FAM9C: variants seen among roughly 807,000 people sequenced by gnomAD.
FAM9C encodes protein FAM9C.
A neutral mutation model predicts 14.8 loss-of-function variants in FAM9C; 15 were observed. The observed-to-expected ratio is 1.02, with a 90% confidence interval of 0.68 to 1.56. The LOEUF (loss-of-function observed/expected upper bound fraction) is 1.56. Ranked by LOEUF, FAM9C falls within the 40% of genes most tolerant of loss-of-function variation. The pLI is 0.00. For synonymous variants in FAM9C, 45 were observed against 37.5 expected, an observed-to-expected ratio of 1.20 and a Z score of -0.74; for missense variants, 116 against 118.0, an observed-to-expected ratio of 0.98 and a Z score of 0.08.
intron 5 of FAM9C, 187 bp downstream of exon 5, chrX:13,040,571 T>C (rs2043516938): frequency 3.1e-6 from 1 of 320,297 alleles, no homozygotes; most frequent in African/African-American, 2.7e-5. Context: ...TTCTAGGTAA[T>C]ATCTCTCAAT....
At chrX:13,038,368 A>G (rs1233058723) in intron 7 of FAM9C, 48 bp downstream of exon 7, 10 of 951,643 alleles carry the variant, frequency 1.1e-5, no homozygotes, top group African/African-American at 6.0e-5. Context: ...ATTTTTATGC[A>G]TGTGTTGTAT....
Position 13,039,802 on chromosome X carries a change from A to G in FAM9C, c.438+6T>C. 13 of 1,203,923 alleles carry G rather than the reference A, an allele frequency of 1.1e-5. No individual in the cohort carries two copies. The highest frequency in any genetic ancestry group is 1.5e-5 in the Non-Finnish European group (13 of 892,175). The stretch of plus-strand genomic sequence containing the variant: ...GGTTAATCATAAAGCTAAGCCTGAT[A>G]CCAACAATTTGTTCTTCCTTTTCTC... On this transcript the variant is annotated splice_donor_region_variant and intron_variant, in intron 6 of 7. Coordinates refer to ENST00000380625, the MANE Select transcript of FAM9C (RefSeq NM_174901.6).
At chrX:13,041,077 C>A (rs1485344318) in intron 4 of FAM9C, 19 of 270,397 alleles carry the variant, frequency 7.0e-5, no homozygotes, top group Non-Finnish European at 1.2e-4. Context: ...GTTGGTATAA[C>A]AGCAAATCAC....
In FAM9C at chrX:13,039,833, C is replaced by T. The variant is rs759594866; in HGVS notation, c.413G>A (p.Gly138Glu). 1.7e-6 allele frequency: 2 copies of T among 1,208,322 alleles called. No individual in the cohort carries two copies. Among genetic ancestry groups the T allele is most frequent in the East Asian group, 3.0e-5 (1 of 33,724 alleles). Reference protein sequence around the residue: ...FITDEQKDEEGDGEKEEQIKI... With the variant: ...FITDEQKDEEEDGEKEEQIKI... ...AATTTGTTCTTCCTTTTCTCCATCT[C>T]CTTCCTCATCTTTCTGCTCATCTGT... Residue 138 changes from glycine to glutamate, a missense_variant, in exon 6 of 8, where the codon GGA (glycine) becomes GAA (glutamate). Physicochemically the swap from Gly to Glu is moderately conservative, Grantham distance 98 (BLOSUM62 -2). Transcript: ENST00000380625.
chrX:13,038,298 A>C (rs1157911806), intron 7 of FAM9C, 118 bp downstream of exon 7: 8 of 510,140 alleles, frequency 1.6e-5, no homozygotes, highest in Non-Finnish European at 2.4e-5. Flanking sequence ...ATGGTAAGTA[A>C]TTTAAAATGT....
chrX:13,039,991 A>C (rs2043512343), intron 5 of FAM9C, 75 bp from the exon 6 acceptor site: 2 of 878,766 alleles, frequency 2.3e-6, no homozygotes, highest in Non-Finnish European at 1.6e-6. Context: ...ACCAAAACTG[A>C]CTTGACATAG....
chrX:13,042,131 T>C (rs1222422709), intron 4 of FAM9C: 2 of 112,366 alleles, frequency 1.8e-5, no homozygotes, highest in Non-Finnish European at 3.8e-5. Flanking sequence ...CCCATAACAG[T>C]GCAACTAATA....
Position 13,039,925 on chromosome X carries a change from C to T in FAM9C, c.330-9G>A, listed in dbSNP as rs1569135794. 8.5e-7 allele frequency: 1 copy of T among 1,177,400 alleles called. No individual in the cohort carries two copies. The highest frequency in any genetic ancestry group is 1.8e-5 in the African/African-American group (1 of 56,371). Reference sequence around the variant, plus strand: ...TATAATCACGTTTCTGCCTGTAACACATAATAAGTAACAAGGTCATACGTC... The same window carrying T: ...TATAATCACGTTTCTGCCTGTAACATATAATAAGTAACAAGGTCATACGTC... On this transcript the variant is annotated splice_polypyrimidine_tract_variant and intron_variant, in intron 5 of 7. Coordinates refer to ENST00000380625, the MANE Select transcript of FAM9C (RefSeq NM_174901.6).
At chrX:13,043,885 C>A in intron 1 of FAM9C, 28 bp from the exon 2 acceptor site, 1 of 898,549 alleles carries the variant, frequency 1.1e-6, no homozygotes, top group Non-Finnish European at 1.6e-6. Context: ...ACACTAAGGA[C>A]ACTAAGGAAA....
chrX:13,043,839 C>T lies in FAM9C; in HGVS notation c.-50G>A. 8.7e-7 allele frequency: 1 copy of T among 1,145,829 alleles called. No individual in the cohort carries two copies. Among genetic ancestry groups the T allele is most frequent in the Non-Finnish European group, 1.2e-6 (1 of 836,002 alleles). 94.4% of individuals were successfully genotyped at this position (1,145,829 alleles called of 1,213,427 possible). ...CTCCGTGGCTGACTGGCCTGGGAAG[C>T]TAGAGGCGACCTCTGAACCTGGTGA... On this transcript the variant is annotated 5_prime_UTR_variant, in exon 2 of 8. Transcript: ENST00000380625.
At chrX:13,043,347 C>G in intron 2 of FAM9C, 99 bp from the exon 3 acceptor site, 7 of 1,042,866 alleles carry the variant, frequency 6.7e-6, no homozygotes, top group Admixed American at 6.0e-5. Context: ...TTTTGGCTCT[C>G]CGCCAATTAA....
chrX:13,043,840 T>A lies in FAM9C; in HGVS notation c.-51A>T. On this transcript the variant is annotated 5_prime_UTR_variant, in exon 2 of 8. Coordinates refer to ENST00000380625, the MANE Select transcript of FAM9C (RefSeq NM_174901.6). ...TCCGTGGCTGACTGGCCTGGGAAGC[T>A]AGAGGCGACCTCTGAACCTGGTGAG... The A allele has an allele frequency of 8.7e-7, 1 of 1,148,074 alleles. No individual in the cohort carries two copies. The highest frequency in any genetic ancestry group is 1.2e-6 in the Non-Finnish European group (1 of 838,055). 94.6% of individuals were successfully genotyped at this position (1,148,074 alleles called of 1,213,427 possible). A position where few individuals can be genotyped will look rare whatever the true frequency, so the allele number is the denominator to read the frequency against.
At chrX:13,043,687 T>A (rs2043549390) in intron 2 of FAM9C, 42 bp downstream of exon 2, 1 of 1,201,258 alleles carries the variant, frequency 8.3e-7, no homozygotes, top group African/African-American at 1.7e-5. Flanking sequence ...GACAGACTGT[T>A]GGGCGTGCAC....
intron 1 of FAM9C, among the ~76,000 whole-genome samples, chrX:13,044,305 C>T (rs1408167174): frequency 1.0e-5 from 1 of 100,296 alleles, no homozygotes. Flanking sequence ...CAAGACGGAC[C>T]CACGTTGACC....
chrX:13,039,764 C>T, intron 6 of FAM9C, 44 bp downstream of exon 6: 1 of 1,171,183 alleles, frequency 8.5e-7, no homozygotes. Flanking sequence ...CTACCTGAGA[C>T]ATTGATACAA....
intron 5 of FAM9C, chrX:13,040,216 T>C: frequency 1.6e-6 from 1 of 629,509 alleles, no homozygotes; most frequent in Non-Finnish European, 1.9e-6. Context: ...TACTTTTCAT[T>C]TCTTCTTACT....
intron 5 of FAM9C, 105 bp downstream of exon 5, chrX:13,040,653 C>A: frequency 1.9e-6 from 1 of 520,921 alleles, no homozygotes; most frequent in Non-Finnish European, 3.0e-6. Flanking sequence ...ATATGTTGTT[C>A]CCTAGAGACA....
rs779757212 is a variant in FAM9C at position 13,042,661 on chromosome X, C to T, written c.214+257G>A. ...TCTCCTCCAATGTCCTCTAATATCC[C>T]CCAAACAATTAAATTTCCACGTGTA... On this transcript the variant is annotated intron_variant, in intron 4 of 7. Coordinates refer to ENST00000380625, the MANE Select transcript of FAM9C (RefSeq NM_174901.6). 2.1e-4 allele frequency: 85 copies of T among 407,996 alleles called. No homozygotes were observed. The East Asian group carries it at 3.5e-3, about 17-fold the overall frequency. 33.6% of individuals were successfully genotyped at this position (407,996 alleles called of 1,213,427 possible).
chrX:13,036,664 G>A (rs2043481940), intron 7 of FAM9C: 1 of 111,645 alleles, frequency 9.0e-6, no homozygotes, highest in African/African-American at 3.3e-5. Flanking sequence ...ACATAACTAT[G>A]TTTGAAATAT....
Sources: gnomAD v4.1 joint callset for allele counts (sites outside exome capture counted in the v4.1 genomes callset) on GRCh38, gnomAD v4.1.1 for gene constraint, MANE v1.5 for transcripts, NCBI Gene and HGNC (gene_info 2026-07-23, HGNC 2026-07-21) for gene names.